The following CABLES1 variants were observed in gnomAD, a reference collection of about 807,000 sequenced individuals.
CABLES1 encodes the protein Cdk5 and Abl enzyme substrate 1, also known as CDK5 and ABL1 enzyme substrate 1.
CABLES1 carries 36 observed loss-of-function variants against 57.8 expected under a neutral mutation model. That is an observed-to-expected ratio of 0.62 (90% CI 0.48 to 0.82). The LOEUF (loss-of-function observed/expected upper bound fraction) is 0.82, where lower values mean the gene tolerates loss of function less well. CABLES1 is among the 40% of genes least tolerant of loss of function. CABLES1 has a pLI of 0.00. For missense variants in CABLES1, 767 were observed against 836.6 expected (o/e 0.92, Z 1.03); for synonymous variants, 374 against 363.0 (o/e 1.03, Z -0.35).
At chr18:23,143,642 C>CTGT (rs2046872028) in intron 1 of CABLES1, among the ~76,000 whole-genome samples, 1 of 152,246 alleles carries the variant, frequency 6.6e-6, no homozygotes, top group African/African-American at 2.4e-5. Flanking sequence ...ACCACATGGC[C>CTGT]TATTCCCTGG....
In CABLES1 at chr18:23,144,560, C is replaced by G. The variant is rs190697623; in HGVS notation, c.845+7953C>G. On this transcript the variant is annotated intron_variant, in intron 1 of 9. Transcript: ENST00000256925. ...TACCTCTTGTGTGCCACATCCTTCA[C>G]GTATGTTGTTTTATTTGCGTGGCAG... 1.8e-3 allele frequency among the ~76,000 whole-genome samples: 269 copies of G among 152,270 alleles called. 1 individual carries two copies. The highest frequency in any genetic ancestry group is 9.6e-3 in the South Asian group (46 of 4,812).
chr18:23,184,653 A>G (rs2047190100), intron 1 of CABLES1, among the ~76,000 whole-genome samples: 1 of 152,182 alleles, frequency 6.6e-6, no homozygotes, highest in South Asian at 2.1e-4. Flanking sequence ...CAGTGAGCCA[A>G]GATTGTGCCA....
Position 23,256,382 on chromosome 18 carries a change from T to TGTAAGATGAAAGATCCTTGTA in CABLES1, c.1762-845_1762-844insGTAAGATGAAAGATCCTTGTA, listed in dbSNP as rs1222311597. Reference sequence around the variant, plus strand: ...TGAAAGTGGAGACTTCCCGAGGACTTAGATCCTTGTAAGATGAAAGGACTG... The same window carrying TGTAAGATGAAAGATCCTTGTA: ...TGAAAGTGGAGACTTCCCGAGGACTTGTAAGATGAAAGATCCTTGTAAGATCCTTGTAAGATGAAAGGACTG... On this transcript the variant is annotated intron_variant, in intron 9 of 9. Transcript: ENST00000256925. Among the ~76,000 whole-genome samples the TGTAAGATGAAAGATCCTTGTA allele has an allele frequency of 2.0e-5, 3 of 152,368 alleles. No homozygotes were observed. In the East Asian group the frequency reaches 5.8e-4, roughly 29 times the overall value.
intron 1 of CABLES1, among the ~76,000 whole-genome samples, chr18:23,142,765 G>GT (rs1189279442): frequency 6.6e-6 from 1 of 152,190 alleles, no homozygotes; most frequent in Non-Finnish European, 1.5e-5. Flanking sequence ...AGAGTGGTGA[G>GT]TGAGTGGTTA....
In CABLES1 at chr18:23,161,754, C is replaced by CAAAAAAAAAAAA. The variant is rs1184010487; in HGVS notation, c.845+25157_845+25168dup. Among the ~76,000 whole-genome samples the CAAAAAAAAAAAA allele has an allele frequency of 5.4e-4, 18 of 33,110 alleles. 4 individuals carry two copies. The highest frequency in any genetic ancestry group is 9.0e-4 in the African/African-American group (12 of 13,292). The allele number at this position is 33,110 out of a possible 152,430, so 21.7% of individuals were successfully genotyped here. Reference sequence around the variant, plus strand: ...TGAAACCCCGTCTCTACTAAAAATCCAAAAAAAAAAAAAAAAAAAAAGCCA... The same window carrying CAAAAAAAAAAAA: ...TGAAACCCCGTCTCTACTAAAAATCCAAAAAAAAAAAAAAAAAAAAAAAAAAAAAAAAAGCCA... On this transcript the variant is annotated intron_variant, in intron 1 of 9. Coordinates refer to ENST00000256925, the MANE Select transcript of CABLES1 (RefSeq NM_001100619.3).
chr18:23,164,755 A>T (rs771001482), intron 1 of CABLES1, among the ~76,000 whole-genome samples: 4 of 151,974 alleles, frequency 2.6e-5, no homozygotes, highest in Non-Finnish European at 2.9e-5. Context: ...AACATATAAA[A>T]ATTTATCTCT....
chr18:23,243,597 C>T (rs2047796688), intron 7 of CABLES1, among the ~76,000 whole-genome samples: 1 of 151,294 alleles, frequency 6.6e-6, no homozygotes, highest in Non-Finnish European at 1.5e-5. Context: ...CTAACACAGG[C>T]CTCGGTGGCT....
At chr18:23,144,143 C>T (rs543508778) in intron 1 of CABLES1, among the ~76,000 whole-genome samples, 14 of 152,350 alleles carry the variant, frequency 9.2e-5, no homozygotes, top group African/African-American at 2.9e-4. Context: ...TGCTCGTACA[C>T]GCTCCTGGCT....
chr18:23,157,038 T>C (rs746139161), intron 1 of CABLES1, among the ~76,000 whole-genome samples: 2 of 152,288 alleles, frequency 1.3e-5, no homozygotes, highest in African/African-American at 2.4e-5. Context: ...TACACACTCA[T>C]GTCAGCGAAA....
Position 23,257,627 on chromosome 18 carries a change from A to G in CABLES1, c.*260A>G, listed in dbSNP as rs567234377. 54 of 362,324 alleles carry G rather than the reference A, an allele frequency of 1.5e-4. No homozygotes were observed. The South Asian group carries it at 3.4e-3, about 23-fold the overall frequency. The allele number at this position is 362,324 out of a possible 1,614,324, so 22.4% of individuals were successfully genotyped here. A position where few individuals can be genotyped will look rare whatever the true frequency, so the allele number is the denominator to read the frequency against. On this transcript the variant is annotated 3_prime_UTR_variant, in exon 10 of 10. Coordinates refer to ENST00000256925, the MANE Select transcript of CABLES1 (RefSeq NM_001100619.3). ...AGAGAGGCCCTGCCCTCTGTCCACT[A>G]GCGAGAATCCCTAGCTGCCCCAGCC... is the stretch of plus-strand genomic sequence containing the variant.
At chr18:23,163,418 GA>G (rs910983729) in intron 1 of CABLES1, among the ~76,000 whole-genome samples, 126 of 152,304 alleles carry the variant, frequency 8.3e-4, no homozygotes, top group African/African-American at 2.8e-3. Flanking sequence ...AGAGAGATGA[GA>G]AAAGTCCAAC....
chr18:23,211,872 C>T (rs2047407639), intron 3 of CABLES1, among the ~76,000 whole-genome samples: 1 of 152,234 alleles, frequency 6.6e-6, no homozygotes, highest in Admixed American at 6.5e-5. Flanking sequence ...TGTTGCTGGG[C>T]TCCATGCAGG....
At chr18:23,236,167 T>C (rs1568080336) in intron 6 of CABLES1, 116 bp downstream of exon 6, 9 of 1,149,080 alleles carry the variant, frequency 7.8e-6, no homozygotes, top group Non-Finnish European at 9.8e-6. Context: ...GCAGGTGACA[T>C]GACTTTTAGG....
rs148793061 is a variant in CABLES1 at position 23,225,156 on chromosome 18, C to T, written c.1089-9452C>T. ...TGCTGGGATTACAGGTGTGAGCCAC[C>T]GTGCCCGGCCATCACAGAGCTATTA... On this transcript the variant is annotated intron_variant, in intron 4 of 9. Coordinates refer to ENST00000256925, the MANE Select transcript of CABLES1 (RefSeq NM_001100619.3). Among the ~76,000 whole-genome samples the T allele has an allele frequency of 1.1e-4, 17 of 152,314 alleles. No individual in the cohort carries two copies. The East Asian group carries it at 2.7e-3, about 24-fold the overall frequency.
intron 4 of CABLES1, among the ~76,000 whole-genome samples, chr18:23,228,819 G>A (rs1348384771): frequency 1.3e-5 from 2 of 151,588 alleles, no homozygotes; most frequent in Non-Finnish European, 2.9e-5. Context: ...AGCCTCTGCA[G>A]AAGTTCACAA....
At position 23,191,387 on chromosome 18, in the gene CABLES1, C is replaced by T. The variant is rs184782712; in HGVS notation, c.917+2478C>T. Among the ~76,000 whole-genome samples, 387 of 152,224 alleles carry T rather than the reference C, an allele frequency of 2.5e-3. 5 individuals carry two copies. Among genetic ancestry groups the T allele is most frequent in the Admixed American group, 8.0e-3 (122 of 15,288 alleles). On this transcript the variant is annotated intron_variant, in intron 2 of 9. Coordinates refer to ENST00000256925, the MANE Select transcript of CABLES1 (RefSeq NM_001100619.3). ...GGAACCTGAGTTCTTAGCCTGACTCCAACTGGGTATGTAGCATTGTAAATT... is the reference window on the plus strand; with the variant it reads ...GGAACCTGAGTTCTTAGCCTGACTCTAACTGGGTATGTAGCATTGTAAATT...
At chr18:23,225,756 C>G (rs928585569) in intron 4 of CABLES1, among the ~76,000 whole-genome samples, 12 of 152,236 alleles carry the variant, frequency 7.9e-5, no homozygotes, top group African/African-American at 2.7e-4. Context: ...CTTCTCTTTT[C>G]TAGTGTGGAT....
intron 1 of CABLES1, among the ~76,000 whole-genome samples, chr18:23,137,703 A>G (rs970067078): frequency 2.7e-4 from 41 of 152,206 alleles, no homozygotes; most frequent in Admixed American, 1.5e-3. Context: ...TCCTCCCGCA[A>G]TGGACAAATG....
chr18:23,243,079 A>G (rs576457787), intron 7 of CABLES1, among the ~76,000 whole-genome samples: 2 of 150,924 alleles, frequency 1.3e-5, no homozygotes, highest in African/African-American at 4.8e-5. Context: ...TATAATTTAT[A>G]TAGAATATAG....
Sources: gnomAD v4.1 joint callset for allele counts (sites outside exome capture counted in the v4.1 genomes callset) on GRCh38, gnomAD v4.1.1 for gene constraint, MANE v1.5 for transcripts, NCBI Gene and HGNC (gene_info 2026-07-23, HGNC 2026-07-21) for gene names.